The following ROBO1 variants were observed in gnomAD, a reference collection of about 807,000 sequenced individuals.
ROBO1 encodes the protein roundabout homolog 1.
A neutral mutation model predicts 195.9 loss-of-function variants in ROBO1; 149 were observed. That is an observed-to-expected ratio of 0.76 (90% CI 0.67 to 0.87). The LOEUF (loss-of-function observed/expected upper bound fraction) is 0.87, where lower values mean the gene tolerates loss of function less well. ROBO1 is among the 40% of genes least tolerant of loss of function. The probability of loss-of-function intolerance (pLI) is 0.00; values close to 1 mark genes in which losing one functional copy is unlikely to be tolerated. For missense variants in ROBO1, 1,933 were observed against 2,068.3 expected (o/e 0.93, Z 1.27); for synonymous variants, 816 against 733.2 (o/e 1.11, Z -1.82).
intron 4 of ROBO1, among the ~76,000 whole-genome samples, chr3:78,866,422 A>C (rs920977727): frequency 6.6e-6 from 1 of 152,222 alleles, no homozygotes; most frequent in Non-Finnish European, 1.5e-5. Context: ...AGGACTGCTA[A>C]ATGCCACCAT....
At chr3:78,995,755 G>A (rs1413785009) in intron 3 of ROBO1, among the ~76,000 whole-genome samples, 1 of 145,308 alleles carries the variant, frequency 6.9e-6, no homozygotes, top group Non-Finnish European at 1.5e-5. Flanking sequence ...AACAGAGCGA[G>A]ACTCTGTCTC....
intron 2 of ROBO1, among the ~76,000 whole-genome samples, chr3:79,165,091 G>A (rs776425013): frequency 7.9e-5 from 12 of 152,104 alleles, no homozygotes; most frequent in Admixed American, 3.3e-4. Flanking sequence ...GAATGTAAGC[G>A]CCATAAGGTC....
intron 3 of ROBO1, among the ~76,000 whole-genome samples, chr3:79,059,856 T>C (rs962021750): frequency 1.3e-5 from 2 of 152,018 alleles, no homozygotes; most frequent in Admixed American, 1.3e-4. Flanking sequence ...TTGAACAATA[T>C]GAAATCTGGG....
chr3:78,993,306 G>A lies in ROBO1; in HGVS notation c.173-54379C>T, dbSNP rs185650431. On this transcript the variant is annotated intron_variant, in intron 3 of 30. Transcript: ENST00000464233. ...ATACATACATGCATACTTTCAAAAC[G>A]TTTCTTTAAAAATCCTACTTAACAA... 7.1e-4 allele frequency among the ~76,000 whole-genome samples: 108 copies of A among 152,192 alleles called. 2 individuals carry two copies. Among genetic ancestry groups the A allele is most frequent in the East Asian group, 3.9e-4 (2 of 5,166 alleles).
chr3:79,307,090 C>T (rs2033257203), intron 2 of ROBO1, among the ~76,000 whole-genome samples: 1 of 152,036 alleles, frequency 6.6e-6, no homozygotes, highest in African/African-American at 2.4e-5. Context: ...GTCGGGGAAG[C>T]TCAGAATTCA....
At chr3:78,688,618 TA>T (rs57364605) in intron 9 of ROBO1, 29 bp downstream of exon 9, 48,278 of 1,063,566 alleles carry the variant, frequency 0.045, 544 homozygotes, top group African/African-American at 0.14. Flanking sequence ...TTTGCTGATT[TA>T]AAAAAAAAAA....
intron 3 of ROBO1, among the ~76,000 whole-genome samples, chr3:79,073,882 T>C (rs1246087587): frequency 1.3e-5 from 2 of 151,010 alleles, no homozygotes; most frequent in African/African-American, 4.9e-5. Context: ...AAGCGCTATT[T>C]TGCCATCCAG....
chr3:78,631,193 A>G lies in ROBO1; in HGVS notation c.3594T>C (p.Asn1198=). Residue 1198 remains asparagine (N), a synonymous_variant, in exon 25 of 31, where the codon AAT becomes AAC. Coordinates refer to ENST00000464233, the MANE Select transcript of ROBO1 (RefSeq NM_002941.4). ...CTACAGAAATGTTGTACTCTTCGCT[A>G]TTGCTGTGTGGAGGAGGATGTGCTG... The part of the protein sequence containing the change: ...PPPAHPPPHS[N]SEEYNISVDE... 1 of 1,612,670 alleles carries G rather than the reference A, an allele frequency of 6.2e-7. No individual in the cohort carries two copies. Among genetic ancestry groups the G allele is most frequent in the Non-Finnish European group, 8.5e-7 (1 of 1,179,316 alleles).
chr3:79,341,217 G>C (rs1182308673), intron 2 of ROBO1, among the ~76,000 whole-genome samples: 2 of 152,138 alleles, frequency 1.3e-5, no homozygotes, highest in Non-Finnish European at 1.5e-5. Flanking sequence ...ATTTCTGGTA[G>C]AGTGTTTTTG....
At chr3:79,479,128 G>T (rs995131492) in intron 2 of ROBO1, among the ~76,000 whole-genome samples, 3 of 152,234 alleles carry the variant, frequency 2.0e-5, no homozygotes, top group African/African-American at 7.2e-5. Flanking sequence ...CACAAATCAA[G>T]AAATAAATGA....
At chr3:79,627,625 G>A (rs1945217177) in intron 1 of ROBO1, among the ~76,000 whole-genome samples, 1 of 36,592 alleles carries the variant, frequency 2.7e-5, no homozygotes, top group Non-Finnish European at 5.4e-5. Flanking sequence ...CAAAAGCAAA[G>A]ACAATAAAAC....
chr3:79,583,157 G>C (rs1256780771), intron 2 of ROBO1, among the ~76,000 whole-genome samples: 1 of 151,836 alleles, frequency 6.6e-6, no homozygotes, highest in Non-Finnish European at 1.5e-5. Context: ...TAATTAATAT[G>C]GTGTTCCTAT....
intron 2 of ROBO1, among the ~76,000 whole-genome samples, chr3:79,361,298 T>A (rs1375856546): frequency 3.3e-5 from 5 of 152,134 alleles, no homozygotes; most frequent in Non-Finnish European, 1.5e-5. Context: ...ATTAACTTTT[T>A]ATTTAAAAAG....
intron 2 of ROBO1, among the ~76,000 whole-genome samples, chr3:79,240,826 A>G (rs895184374): frequency 6.6e-6 from 1 of 151,896 alleles, no homozygotes; most frequent in Non-Finnish European, 1.5e-5. Flanking sequence ...ATTTTTTTGT[A>G]GAGATGGGAT....
At chr3:79,530,804 CAT>C (rs1491351226) in intron 2 of ROBO1, among the ~76,000 whole-genome samples, 101 of 128,556 alleles carry the variant, frequency 7.9e-4, no homozygotes, top group African/African-American at 3.0e-3. Context: ...CACACACACA[CAT>C]CCTTCCCTGG....
chr3:79,477,762 T>G (rs1938619281), intron 2 of ROBO1, among the ~76,000 whole-genome samples: 1 of 152,170 alleles, frequency 6.6e-6, no homozygotes, highest in Admixed American at 6.5e-5. Flanking sequence ...AAACACACTT[T>G]TCTTTAAAAA....
At chr3:79,021,915 C>A (rs1576580767) in intron 3 of ROBO1, among the ~76,000 whole-genome samples, 3 of 152,176 alleles carry the variant, frequency 2.0e-5, no homozygotes, top group Non-Finnish European at 4.4e-5. Flanking sequence ...CCGCCTTGGC[C>A]TCCCAAAGTG....
chr3:79,256,595 A>G (rs2082838435), intron 2 of ROBO1, among the ~76,000 whole-genome samples: 1 of 152,144 alleles, frequency 6.6e-6, no homozygotes, highest in Admixed American at 6.5e-5. Flanking sequence ...AGGATCTAGA[A>G]CCCATTCTAA....
chr3:78,942,198 G>A (rs2040179114), intron 3 of ROBO1, among the ~76,000 whole-genome samples: 1 of 152,016 alleles, frequency 6.6e-6, no homozygotes, highest in African/African-American at 2.4e-5. Context: ...CAACTCAGGA[G>A]CTCAGGTGCA....
Sources: gnomAD v4.1 joint callset for allele counts (sites outside exome capture counted in the v4.1 genomes callset) on GRCh38, gnomAD v4.1.1 for gene constraint, MANE v1.5 for transcripts, NCBI Gene and HGNC (gene_info 2026-07-23, HGNC 2026-07-21) for gene names.